Variants in WDFY4 observed in about 807,000 individuals in gnomAD.
WDFY4 encodes WD repeat- and FYVE domain-containing protein 4.
Under a neutral mutation model 351.9 loss-of-function variants are expected in WDFY4, and 169 were observed. That is an observed-to-expected ratio of 0.48 (90% CI 0.42 to 0.55). The LOEUF is 0.55. WDFY4 is among the 20% of genes least tolerant of loss of function. The pLI, the probability that WDFY4 is intolerant of heterozygous loss-of-function variation, is 0.00. For synonymous variants in WDFY4, 1,622 were observed against 1,574.6 expected (o/e 1.03, Z -0.71); for missense variants, 3,803 against 3,935.6 (o/e 0.97, Z 0.90).
chr10:48,827,025 ATCTGG>A, intron 36 of WDFY4, 116 bp downstream of exon 36: 2 of 863,484 alleles, frequency 2.3e-6, no homozygotes, highest in East Asian at 2.7e-5. Flanking sequence ...CCTTTTGTTT[ATCTGG>A]TCTTCCATAT....
At chr10:48,707,386 A>G (rs1040563435) in intron 1 of WDFY4, among the ~76,000 whole-genome samples, 3 of 152,166 alleles carry the variant, frequency 2.0e-5, no homozygotes, top group Non-Finnish European at 2.9e-5. Flanking sequence ...CTGAGCAGTC[A>G]TACTCCCTTG....
Position 48,757,048 on chromosome 10 carries a change from A to G in WDFY4, c.2460-3299A>G, listed in dbSNP as rs1292705055. Among the ~76,000 whole-genome samples the G allele has an allele frequency of 2.6e-5, 4 of 152,228 alleles. No homozygotes were observed. In the East Asian group the frequency reaches 7.7e-4, roughly 29 times the overall value. On this transcript the variant is annotated intron_variant, in intron 12 of 61. Coordinates refer to ENST00000325239, the MANE Select transcript of WDFY4 (RefSeq NM_001394531.1). ...AATGTATGGTAGAATTTGCTGGTGA[A>G]AACACTGAGCCTCAAGGTTTCTTTG...
At chr10:48,850,065 C>T (rs1364702974) in intron 39 of WDFY4, among the ~76,000 whole-genome samples, 1 of 152,212 alleles carries the variant, frequency 6.6e-6, no homozygotes, top group East Asian at 1.9e-4. Flanking sequence ...CTTCTTTCCA[C>T]ATGATATCAG....
intron 12 of WDFY4, among the ~76,000 whole-genome samples, chr10:48,754,716 A>T (rs1306185717): frequency 6.6e-6 from 1 of 152,172 alleles, no homozygotes; most frequent in African/African-American, 2.4e-5. Context: ...AGATGTATCC[A>T]GAGTGCCTGA....
At chr10:48,840,739 G>C (rs969924774) in intron 39 of WDFY4, among the ~76,000 whole-genome samples, 11 of 152,172 alleles carry the variant, frequency 7.2e-5, no homozygotes, top group African/African-American at 2.7e-4. Flanking sequence ...AAGGGGGAAG[G>C]ATAAGAGCTG....
intron 58 of WDFY4, chr10:48,975,293 G>T: frequency 1.7e-6 from 1 of 596,560 alleles, no homozygotes; most frequent in Non-Finnish European, 2.9e-6. Flanking sequence ...GGCACCAGGG[G>T]GCTGCAGCTG....
chr10:48,895,087 G>A (rs187363321), intron 44 of WDFY4, among the ~76,000 whole-genome samples: 6 of 152,362 alleles, frequency 3.9e-5, no homozygotes, highest in Admixed American at 3.3e-4. Context: ...CAGAGAGCCT[G>A]AGTCTGCAAC....
intron 39 of WDFY4, among the ~76,000 whole-genome samples, chr10:48,843,081 C>T (rs943181502): frequency 3.3e-5 from 5 of 152,176 alleles, no homozygotes; most frequent in Admixed American, 1.3e-4. Context: ...AACCACTGCC[C>T]GTTTAAAGGT....
Position 48,820,264 on chromosome 10 carries a change from A to C in WDFY4, c.5536A>C (p.Ser1846Arg). The C allele has an allele frequency of 6.4e-7, 1 of 1,551,700 alleles. No homozygotes were observed. Among genetic ancestry groups the C allele is most frequent in the Non-Finnish European group, 8.7e-7 (1 of 1,146,992 alleles). ...GVGAESTRNT[S>R]SPEAAAEGDS... ...TGGGGCTGAGTCCACCCGGAACACC[A>C]GCAGTCCTGAGGCCGCAGCTGAAGG... Residue 1846 changes from serine to arginine, a missense_variant, in exon 33 of 62, where the codon AGC becomes CGC. By Grantham distance (110) the Ser-to-Arg change is moderately radical. Around this residue, in one of 3 missense-constraint regions of WDFY4, gnomAD observed 3,054 missense variants for 3,148.6 expected, o/e 0.97. Coordinates refer to ENST00000325239, the MANE Select transcript of WDFY4 (RefSeq NM_001394531.1).
At chr10:48,710,077 T>A in intron 2 of WDFY4, 111 bp downstream of exon 2, 1 of 1,063,078 alleles carries the variant, frequency 9.4e-7, no homozygotes, top group Non-Finnish European at 1.3e-6. Flanking sequence ...GGACTCTGAT[T>A]GGTTGCTCAG....
chr10:48,898,268 G>A (rs1316407676), intron 45 of WDFY4, among the ~76,000 whole-genome samples: 1 of 152,162 alleles, frequency 6.6e-6, no homozygotes, highest in Non-Finnish European at 1.5e-5. Context: ...AGCAGCAAAG[G>A]GAGTAGGGTA....
At chr10:48,766,602 C>A (rs1565173941) in intron 13 of WDFY4, among the ~76,000 whole-genome samples, 2 of 151,822 alleles carry the variant, frequency 1.3e-5, no homozygotes, top group African/African-American at 4.8e-5. Flanking sequence ...TCAAAAAAAA[C>A]CTAAAAACTA....
At chr10:48,758,656 G>A (rs188535280) in intron 12 of WDFY4, among the ~76,000 whole-genome samples, 9 of 152,004 alleles carry the variant, frequency 5.9e-5, no homozygotes, top group African/African-American at 1.2e-4. Flanking sequence ...CTCCATCTTC[G>A]TGTTCATGGA....
Position 48,820,300 on chromosome 10 carries a change from G to T in WDFY4, c.5572G>T (p.Val1858Leu), listed in dbSNP as rs1409934578. ...GGCCGCAGCTGAAGGCGACAGCACA[G>T]TGGAGGGTCTCCAGGCTCCCACCAA... ...PEAAAEGDST[V>L]EGLQAPTKAH... The change falls in exon 33 of 62, where the codon GTG (valine) becomes TTG (leucine). Residue 1858 changes from valine to leucine, a missense_variant. Transcript: ENST00000325239. The T allele has an allele frequency of 1.3e-6, 2 of 1,551,706 alleles. No homozygotes were observed. Among genetic ancestry groups the T allele is most frequent in the Non-Finnish European group, 1.7e-6 (2 of 1,147,006 alleles).
chr10:48,941,174 C>T (rs535795485), intron 47 of WDFY4, among the ~76,000 whole-genome samples: 4 of 151,986 alleles, frequency 2.6e-5, no homozygotes, highest in Non-Finnish European at 5.9e-5. Flanking sequence ...GAGATGAATG[C>T]GAAAGGGCAG....
intron 31 of WDFY4, among the ~76,000 whole-genome samples, 199 bp from the exon 32 acceptor site, chr10:48,817,046 A>G (rs1420428593): frequency 6.6e-6 from 1 of 152,236 alleles, no homozygotes; most frequent in Non-Finnish European, 1.5e-5. Context: ...AGGCATATGT[A>G]TGAAGCCCTT....
chr10:48,700,113 T>A (rs2063437948), intron 1 of WDFY4, among the ~76,000 whole-genome samples: 1 of 152,188 alleles, frequency 6.6e-6, no homozygotes, highest in Non-Finnish European at 1.5e-5. Context: ...GGTTTTAGGC[T>A]GAAGGTTCAC....
intron 39 of WDFY4, among the ~76,000 whole-genome samples, chr10:48,843,174 A>G (rs1024464017): frequency 6.6e-5 from 10 of 152,226 alleles, no homozygotes; most frequent in Non-Finnish European, 1.5e-4. Context: ...GAACGGAAAC[A>G]TCTAGTTTGG....
At chr10:48,865,813 G>T (rs189001236) in intron 39 of WDFY4, among the ~76,000 whole-genome samples, 1 of 152,066 alleles carries the variant, frequency 6.6e-6, no homozygotes, top group African/African-American at 2.4e-5. Flanking sequence ...TTGGCAATTT[G>T]TGTCTTTCTA....
Sources: gnomAD v4.1 joint callset for allele counts (sites outside exome capture counted in the v4.1 genomes callset) on GRCh38, gnomAD v4.1.1 for gene constraint, gnomAD v4.1.1 regional missense constraint, MANE v1.5 for transcripts, NCBI Gene and HGNC (gene_info 2026-07-23, HGNC 2026-07-21) for gene names.